Variants in PLXNA4 observed in about 807,000 individuals in gnomAD.
PLXNA4 encodes the protein plexin-A4.
Under a neutral mutation model 191.8 loss-of-function variants are expected in PLXNA4, and 44 were observed. The ratio of observed to expected loss-of-function variants is 0.23; its 90% CI spans 0.18 to 0.29. The LOEUF (loss-of-function observed/expected upper bound fraction) is 0.29. PLXNA4 is among the 10% of genes least tolerant of loss of function. The pLI is 1.00. For missense variants in PLXNA4, 1,800 were observed against 2,488.8 expected (o/e 0.72, Z 5.89); for synonymous variants, 1,082 against 1,009.5 (o/e 1.07, Z -1.36).
intron 9 of PLXNA4, among the ~76,000 whole-genome samples, chr7:132,219,205 C>T (rs922565329): frequency 6.6e-6 from 1 of 152,180 alleles, no homozygotes; most frequent in Non-Finnish European, 1.5e-5. Flanking sequence ...CTGGGTATAC[C>T]TTCATTCCAA....
chr7:132,490,066 G>A (rs1797726851), intron 2 of PLXNA4, among the ~76,000 whole-genome samples: 1 of 152,242 alleles, frequency 6.6e-6, no homozygotes, highest in South Asian at 2.1e-4. Flanking sequence ...ATCAGCTGGG[G>A]AAAGGAGCAA....
chr7:132,367,433 G>A (rs1005392495), intron 3 of PLXNA4, among the ~76,000 whole-genome samples: 1 of 152,008 alleles, frequency 6.6e-6, no homozygotes, highest in Non-Finnish European at 1.5e-5. Context: ...TCGGGAGTGA[G>A]GTGGCAGGGA....
In PLXNA4 at chr7:132,503,693, A is replaced by C. The variant is rs1252240525; in HGVS notation, c.1188+3813T>G. On this transcript the variant is annotated intron_variant, in intron 2 of 31. Transcript: ENST00000321063. ...TAGAGATGCACCAGTGATAAGCCACAGAAACTGAGAAATGAAATCACTGCC... is the reference window on the plus strand; with the variant it reads ...TAGAGATGCACCAGTGATAAGCCACCGAAACTGAGAAATGAAATCACTGCC... Among the ~76,000 whole-genome samples the C allele has an allele frequency of 2.6e-5, 4 of 152,368 alleles. No individual in the cohort carries two copies. The East Asian group carries it at 7.7e-4, about 29-fold the overall frequency.
chr7:132,367,616 C>G (rs145893932), intron 3 of PLXNA4: 1 of 152,318 alleles, frequency 6.6e-6, no homozygotes, highest in East Asian at 1.9e-4. Flanking sequence ...CAGAATAAAA[C>G]CAATAATAAG....
chr7:132,566,302 T>TCACA (rs113920133), intron 1 of PLXNA4, among the ~76,000 whole-genome samples: 94 of 152,002 alleles, frequency 6.2e-4, no homozygotes, highest in African/African-American at 2.1e-3. Flanking sequence ...TCCCTCTCTC[T>TCACA]CTCACACACA....
intron 21 of PLXNA4, among the ~76,000 whole-genome samples, chr7:132,170,604 G>C (rs1177018829): frequency 6.6e-6 from 1 of 152,216 alleles, no homozygotes; most frequent in Non-Finnish European, 1.5e-5. Flanking sequence ...CCAGGCTCAG[G>C]GCAAGGCACT....
At chr7:132,161,728 T>C (rs532147745) in intron 24 of PLXNA4, among the ~76,000 whole-genome samples, 16 of 151,610 alleles carry the variant, frequency 1.1e-4, no homozygotes, top group South Asian at 2.1e-4. Flanking sequence ...CACCTAGCGC[T>C]CTGGCAGGCT....
chr7:132,583,440 G>A (rs553381273), intron 2 of PLXNA4, among the ~76,000 whole-genome samples: 5 of 152,290 alleles, frequency 3.3e-5, no homozygotes, highest in Admixed American at 6.5e-5. Flanking sequence ...AGGACTTCTC[G>A]CATCACCTTC....
At chr7:132,298,048 T>G (rs373091247) in intron 4 of PLXNA4, 43 bp downstream of exon 4, 1 of 1,613,194 alleles carries the variant, frequency 6.2e-7, no homozygotes, top group African/African-American at 1.3e-5. Flanking sequence ...AGGCTAGTAT[T>G]TAACTGCAAG....
At chr7:132,396,920 T>C (rs181200115) in intron 3 of PLXNA4, among the ~76,000 whole-genome samples, 10 of 152,336 alleles carry the variant, frequency 6.6e-5, no homozygotes, top group Admixed American at 3.3e-4. Context: ...TGCCTTGGTG[T>C]GGGAAATAGA....
At chr7:132,394,987 T>C (rs1199457139) in intron 3 of PLXNA4, among the ~76,000 whole-genome samples, 1 of 152,268 alleles carries the variant, frequency 6.6e-6, no homozygotes, top group Admixed American at 6.5e-5. Flanking sequence ...CATGCAGATG[T>C]AGTCCTGCCT....
At chr7:132,425,120 C>T (rs956484660) in intron 3 of PLXNA4, among the ~76,000 whole-genome samples, 2 of 152,216 alleles carry the variant, frequency 1.3e-5, no homozygotes, top group Non-Finnish European at 2.9e-5. Context: ...AAAGAGCAGG[C>T]GCCTAGCCTC....
chr7:132,340,069 T>G (rs893753712), intron 3 of PLXNA4, among the ~76,000 whole-genome samples: 9 of 152,116 alleles, frequency 5.9e-5, no homozygotes, highest in Admixed American at 5.9e-4. Flanking sequence ...CCAACAGATC[T>G]CATTATTTTT....
chr7:132,231,354 C>A (rs1052851186), intron 5 of PLXNA4, among the ~76,000 whole-genome samples: 1 of 152,190 alleles, frequency 6.6e-6, no homozygotes, highest in Non-Finnish European at 1.5e-5. Context: ...CCTCATTTGA[C>A]CTCTCCAAAC....
At chr7:132,421,640 T>G (rs868585003) in intron 3 of PLXNA4, among the ~76,000 whole-genome samples, 1 of 152,178 alleles carries the variant, frequency 6.6e-6, no homozygotes, top group African/African-American at 2.4e-5. Context: ...ATATAATGAC[T>G]GTTGTGAAGA....
chr7:132,149,503 CAT>C (rs1206052679), intron 25 of PLXNA4, among the ~76,000 whole-genome samples: 5 of 152,180 alleles, frequency 3.3e-5, no homozygotes, highest in South Asian at 2.1e-4. Flanking sequence ...GTCAGACACA[CAT>C]AAACTCATGC....
At chr7:132,291,645 T>C (rs1489606517) in intron 4 of PLXNA4, among the ~76,000 whole-genome samples, 7 of 152,240 alleles carry the variant, frequency 4.6e-5, no homozygotes, top group Non-Finnish European at 1.0e-4. Flanking sequence ...CACTCCATTC[T>C]CTACCTCCAT....
intron 30 of PLXNA4, 141 bp from the exon 31 acceptor site, chr7:132,133,340 G>A: frequency 7.2e-7 from 1 of 1,393,750 alleles, no homozygotes; most frequent in East Asian, 2.4e-5. Context: ...GCCACCTGGG[G>A]ACCACTGTGG....
intron 4 of PLXNA4, among the ~76,000 whole-genome samples, chr7:132,253,118 A>G (rs1416319412): frequency 1.3e-5 from 2 of 152,120 alleles, no homozygotes; most frequent in Non-Finnish European, 2.9e-5. Context: ...GGTATTATTG[A>G]CTTGGGAAAT....
Sources: gnomAD v4.1 joint callset for allele counts (sites outside exome capture counted in the v4.1 genomes callset) on GRCh38, gnomAD v4.1.1 for gene constraint, MANE v1.5 for transcripts, NCBI Gene and HGNC (gene_info 2026-07-23, HGNC 2026-07-21) for gene names.